DNAH12: variants seen among roughly 807,000 people sequenced by gnomAD.
DNAH12 encodes the protein axonemal beta dynein heavy chain 12.
In DNAH12, 285 loss-of-function variants were observed where a neutral mutation model predicts 371.5. That is an observed-to-expected ratio of 0.77 (90% CI 0.70 to 0.85). DNAH12 has a LOEUF of 0.85. Ranked by LOEUF, DNAH12 falls within the 40% of genes least tolerant of loss-of-function variation. The pLI, the probability that DNAH12 is intolerant of heterozygous loss-of-function variation, is 0.00. For synonymous variants in DNAH12, 1,200 were observed against 1,213.0 expected, an observed-to-expected ratio of 0.99 and a Z score of 0.22; for missense variants, 3,611 against 3,689.4, an observed-to-expected ratio of 0.98 and a Z score of 0.55.
intron 60 of DNAH12, among the ~76,000 whole-genome samples, chr3:57,335,283 CA>C (rs1455829736): frequency 6.6e-6 from 1 of 152,142 alleles, no homozygotes; most frequent in Non-Finnish European, 1.5e-5. Context: ...TTCTCCTCAA[CA>C]GTATTGCTGA....
intron 17 of DNAH12, among the ~76,000 whole-genome samples, chr3:57,466,229 AAGAT>A (rs1203446375): frequency 1.3e-5 from 2 of 152,172 alleles, no homozygotes; most frequent in Non-Finnish European, 2.9e-5. Context: ...TTCATGTAAA[AAGAT>A]AGAAGGATAA....
intron 2 of DNAH12, among the ~76,000 whole-genome samples, chr3:57,534,728 C>T (rs1047659373): frequency 5.3e-5 from 8 of 151,976 alleles, no homozygotes; most frequent in African/African-American, 9.7e-5. Context: ...AGTCTGGTCT[C>T]GAACTCCTGA....
intron 11 of DNAH12, among the ~76,000 whole-genome samples, chr3:57,492,747 A>T (rs1001736445): frequency 6.6e-6 from 1 of 152,104 alleles, no homozygotes; most frequent in Non-Finnish European, 1.5e-5. Context: ...AGTGGCTCAC[A>T]CCTGTAATCC....
intron 29 of DNAH12, among the ~76,000 whole-genome samples, chr3:57,443,921 C>G (rs959826299): frequency 6.6e-6 from 1 of 151,992 alleles, no homozygotes; most frequent in African/African-American, 2.4e-5. Context: ...TATTTTTTCT[C>G]AGCCAGGCAC....
chr3:57,543,064 C>G (rs888742585), intron 1 of DNAH12, among the ~76,000 whole-genome samples, 161 bp from the exon 2 acceptor site: 1 of 152,146 alleles, frequency 6.6e-6, no homozygotes, highest in African/African-American at 2.4e-5. Flanking sequence ...GGTAAGTTGG[C>G]AGGGATTCCT....
rs1301655945 is a variant in DNAH12, at chr3:57,356,616, GA to G, written c.9533+559del. On this transcript the variant is annotated intron_variant, in intron 59 of 73. Coordinates refer to ENST00000495027, the MANE Select transcript of DNAH12 (RefSeq NM_001366028.2). ...TCATTGAAATATTTAAGAGAGAGAAGAAAAAAACTAAAGTTAATCCTTCCAT... is the reference window on the plus strand; with the variant it reads ...TCATTGAAATATTTAAGAGAGAGAAGAAAAAACTAAAGTTAATCCTTCCAT... Among the ~76,000 whole-genome samples the G allele has an allele frequency of 3.3e-5, 5 of 151,758 alleles. No individual in the cohort carries two copies. The East Asian group carries it at 9.7e-4, about 29-fold the overall frequency.
intron 8 of DNAH12, among the ~76,000 whole-genome samples, chr3:57,505,527 G>C (rs2067723652): frequency 6.6e-6 from 1 of 151,734 alleles, no homozygotes; most frequent in Non-Finnish European, 1.5e-5. Flanking sequence ...TGCAACCTCT[G>C]TCTCCCGGGT....
At position 57,405,872 on chromosome 3, in the gene DNAH12, G is replaced by C. The variant is rs1157298735; in HGVS notation, c.6357C>G (p.Arg2119=). 1 of 1,551,378 alleles carries C rather than the reference G, an allele frequency of 6.4e-7. No individual in the cohort carries two copies. The change falls in exon 41 of 74, where the codon CGC becomes CGG. Residue 2119 remains arginine, a synonymous_variant. Coordinates refer to ENST00000495027, the MANE Select transcript of DNAH12 (RefSeq NM_001366028.2). ...CAATGAGTAAACAGCCCCGGATGAC[G>C]CGTGAAAAATCACGCAAGTTGAAAG... ...HYTFNLRDFS[R]VIRGCLLIER... is the part of the protein sequence containing the mutation.
chr3:57,370,635 A>G lies in DNAH12; in HGVS notation c.8760-2375T>C, dbSNP rs1026953388. 2.6e-5 allele frequency among the ~76,000 whole-genome samples: 4 copies of G among 152,230 alleles called. No individual in the cohort carries two copies. The East Asian group carries it at 7.7e-4, about 29-fold the overall frequency. On this transcript the variant is annotated intron_variant, in intron 55 of 73. Transcript: ENST00000495027. ...GCTAAAAATCCTTCTTCCTCCTAGT[A>G]CTGATGGATAAAATATGACATTATT...
chr3:57,415,363 A>G, intron 38 of DNAH12, 63 bp downstream of exon 38: 1 of 1,516,550 alleles, frequency 6.6e-7, no homozygotes, highest in Admixed American at 2.4e-5. Context: ...GTACAATTTT[A>G]AACACTGAGC....
chr3:57,377,985 AAGAG>A (rs1491265824), intron 52 of DNAH12, among the ~76,000 whole-genome samples: 1 of 152,132 alleles, frequency 6.6e-6, no homozygotes, highest in South Asian at 2.1e-4. Flanking sequence ...AAGGAGGGAC[AAGAG>A]AGAGAGAGCA....
chr3:57,473,845 T>G (rs2066440703), intron 13 of DNAH12, among the ~76,000 whole-genome samples: 1 of 152,064 alleles, frequency 6.6e-6, no homozygotes, highest in African/African-American at 2.4e-5. Context: ...ATTCGTTATA[T>G]TAATAGATTA....
intron 70 of DNAH12, chr3:57,297,437 C>G (rs1161765242): frequency 6.4e-6 from 1 of 157,214 alleles, no homozygotes; most frequent in East Asian, 1.9e-4. Flanking sequence ...CTCACTGCAG[C>G]CTCTGCCTCC....
chr3:57,536,751 C>T (rs1261237551), intron 2 of DNAH12, among the ~76,000 whole-genome samples: 3 of 152,126 alleles, frequency 2.0e-5, no homozygotes, highest in East Asian at 3.8e-4. Flanking sequence ...TGTAATTATC[C>T]CAACATAAAT....
At chr3:57,400,470 C>T (rs1463851786) in intron 43 of DNAH12, among the ~76,000 whole-genome samples, 1 of 152,166 alleles carries the variant, frequency 6.6e-6, no homozygotes, top group Non-Finnish European at 1.5e-5. Context: ...ATGGGGGATA[C>T]ATTCCAAGAC....
At chr3:57,374,670 T>C (rs2063244568) in intron 55 of DNAH12, among the ~76,000 whole-genome samples, 2 of 152,036 alleles carry the variant, frequency 1.3e-5, no homozygotes, top group South Asian at 4.2e-4. Flanking sequence ...AGTAGGAGAA[T>C]ACATAAACAG....
At position 57,458,789 on chromosome 3, in the gene DNAH12, C is replaced by T. The variant is rs1173363222; in HGVS notation, c.2932-569G>A. Among the ~76,000 whole-genome samples the T allele has an allele frequency of 2.6e-5, 4 of 152,228 alleles. 1 individual carries two copies. Among genetic ancestry groups the T allele is most frequent in the East Asian group, 1.9e-4 (1 of 5,182 alleles). On this transcript the variant is annotated intron_variant, in intron 20 of 73. Transcript: ENST00000495027. ...ATCTCTGGCTGCTTTCTCACTGCAACGACAACAGAATTGAGTAGCTGCAAG... is the reference window on the plus strand; with the variant it reads ...ATCTCTGGCTGCTTTCTCACTGCAATGACAACAGAATTGAGTAGCTGCAAG...
chr3:57,429,562 C>G, intron 33 of DNAH12, 129 bp downstream of exon 33: 1 of 799,188 alleles, frequency 1.3e-6, no homozygotes, highest in Non-Finnish European at 2.0e-6. Flanking sequence ...CAAGCATACA[C>G]TGTGTCTTAT....
At chr3:57,453,915 C>T (rs2065829708) in intron 23 of DNAH12, among the ~76,000 whole-genome samples, 1 of 152,006 alleles carries the variant, frequency 6.6e-6, no homozygotes. Context: ...TCAAGACCAG[C>T]CTGGCAAAGC....
Sources: allele counts gnomAD v4.1 joint callset (sites outside exome capture counted in the v4.1 genomes callset), GRCh38; gene constraint gnomAD v4.1.1; transcripts MANE v1.5; gene names NCBI Gene and HGNC (gene_info 2026-07-23, HGNC 2026-07-21).